The following PDIA4 variants were observed in gnomAD, a reference collection of about 807,000 sequenced individuals.
PDIA4 encodes the protein protein disulfide-isomerase A4.
A neutral mutation model predicts 62.1 loss-of-function variants in PDIA4; 33 were observed. That is an observed-to-expected ratio of 0.53 (90% CI 0.40 to 0.71). The LOEUF (loss-of-function observed/expected upper bound fraction) is 0.71, where lower values mean the gene tolerates loss of function less well. PDIA4 is among the 30% of genes least tolerant of loss of function. The pLI is 0.00. For synonymous variants in PDIA4, 341 were observed against 324.1 expected (o/e 1.05, Z -0.56); for missense variants, 804 against 813.6 (o/e 0.99, Z 0.14).
At chr7:149,025,474 A>ATAAAT (rs1824518198) in intron 1 of PDIA4, among the ~76,000 whole-genome samples, 1 of 152,232 alleles carries the variant, frequency 6.6e-6, no homozygotes, top group Non-Finnish European at 1.5e-5. Flanking sequence ...CAGCTACGGT[A>ATAAAT]ACCATGATAG....
chr7:149,026,540 A>G (rs1165693933), intron 1 of PDIA4, among the ~76,000 whole-genome samples: 1 of 152,064 alleles, frequency 6.6e-6, no homozygotes, highest in Non-Finnish European at 1.5e-5. Context: ...GGTCCCAGCT[A>G]CTAGGGAGGT....
intron 4 of PDIA4, among the ~76,000 whole-genome samples, chr7:149,013,048 G>C (rs1018675368): frequency 2.0e-5 from 3 of 152,122 alleles, no homozygotes; most frequent in African/African-American, 7.2e-5. Context: ...AGGAGTTTGA[G>C]ACCAGCCTGG....
At chr7:149,026,146 G>A (rs1346248452) in intron 1 of PDIA4, among the ~76,000 whole-genome samples, 2 of 152,128 alleles carry the variant, frequency 1.3e-5, no homozygotes, top group African/African-American at 4.8e-5. Context: ...GTGCAGACTT[G>A]AAATAAATCT....
chr7:149,012,131 T>C (rs1325027835), intron 5 of PDIA4, 24 bp downstream of exon 5: 6 of 1,610,900 alleles, frequency 3.7e-6, no homozygotes, highest in Non-Finnish European at 5.1e-6. Context: ...CCCACTGTAG[T>C]GGGAGAGAAG....
At position 149,019,125 on chromosome 7, in the gene PDIA4, G is replaced by A; in HGVS notation, c.342C>T (p.Pro114=). 6.2e-7 allele frequency: 1 copy of A among 1,613,830 alleles called. No homozygotes were observed. The highest frequency in any genetic ancestry group is 1.1e-5 in the South Asian group (1 of 91,068). The change falls in exon 3 of 10, where the codon CCC becomes CCT. Residue 114 remains proline (P), a synonymous_variant. Coordinates refer to ENST00000652332, the MANE Select transcript of PDIA4 (RefSeq NM_004911.5). The stretch of plus-strand genomic sequence containing the variant: ...TTGCATCGATCTTGGCAACAGGAAT[G>A]GGAGGATCTTTATCCTTTAATATGT... ...IANILKDKDP[P]IPVAKIDATS... is the part of the protein sequence containing the mutation.
rs1409741283 is a variant in PDIA4 at position 149,005,340 on chromosome 7, C to T, written c.1323G>A (p.Val441=). The T allele has an allele frequency of 4.3e-6, 7 of 1,613,994 alleles. No individual in the cohort carries two copies. The highest frequency in any genetic ancestry group is 5.9e-6 in the Non-Finnish European group (7 of 1,180,002). The change falls in exon 9 of 10, where the codon GTG becomes GTA. Residue 441 remains valine (V), a synonymous_variant. Coordinates refer to ENST00000652332, the MANE Select transcript of PDIA4 (RefSeq NM_004911.5). ...TQFWRSKVLE[V]AKDFPEYTFA... ...AGGTGTACTCAGGGAAGTCCTTGGC[C>T]ACCTCTAGGACTTTGCTCCGCCAAA... is the stretch of plus-strand genomic sequence containing the variant.
intron 6 of PDIA4, 129 bp from the exon 7 acceptor site, chr7:149,008,439 G>A (rs551040599): frequency 1.1e-5 from 10 of 887,502 alleles, no homozygotes; most frequent in African/African-American, 8.4e-5. Context: ...GGTGGCTCAC[G>A]CCTGTAATCC....
At chr7:149,016,843 C>T (rs931235502) in intron 3 of PDIA4, among the ~76,000 whole-genome samples, 2 of 152,106 alleles carry the variant, frequency 1.3e-5, no homozygotes, top group African/African-American at 4.8e-5. Flanking sequence ...AGCTGGATCA[C>T]CCAGGTTCAG....
chr7:149,008,077 T>G, intron 7 of PDIA4, 82 bp downstream of exon 7: 1 of 1,352,222 alleles, frequency 7.4e-7, no homozygotes, highest in Non-Finnish European at 1.0e-6. Context: ...ACCTCCACGT[T>G]TGAAACCTCA....
chr7:149,020,922 A>T, intron 2 of PDIA4, 45 bp downstream of exon 2: 1 of 1,598,994 alleles, frequency 6.3e-7, no homozygotes. Flanking sequence ...GAGCGAATGG[A>T]GCACAGCGCT....
At chr7:149,023,917 T>A (rs1204732621) in intron 1 of PDIA4, among the ~76,000 whole-genome samples, 1 of 152,142 alleles carries the variant, frequency 6.6e-6, no homozygotes, top group African/African-American at 2.4e-5. Context: ...GGACACAGCA[T>A]TCCTAAGAGG....
chr7:149,022,247 T>C (rs1046341152), intron 1 of PDIA4, among the ~76,000 whole-genome samples: 18 of 152,120 alleles, frequency 1.2e-4, no homozygotes, highest in African/African-American at 4.1e-4. Context: ...ATTTTACTTA[T>C]AAAGGCACCC....
At chr7:149,009,348 T>C (rs1823867027) in intron 6 of PDIA4, among the ~76,000 whole-genome samples, 1 of 152,118 alleles carries the variant, frequency 6.6e-6, no homozygotes, top group Admixed American at 6.6e-5. Flanking sequence ...AAACAGCTAA[T>C]TTGCCAGAAG....
At chr7:149,025,275 C>T (rs549066178) in intron 1 of PDIA4, among the ~76,000 whole-genome samples, 8 of 152,088 alleles carry the variant, frequency 5.3e-5, no homozygotes, top group Non-Finnish European at 8.8e-5. Context: ...TCCACTCCCA[C>T]GGGGCACACC....
chr7:149,012,461 G>A, intron 4 of PDIA4, 101 bp from the exon 5 acceptor site: 4 of 985,802 alleles, frequency 4.1e-6, no homozygotes, highest in Admixed American at 2.1e-5. Context: ...CTAGTAACCT[G>A]GCCACACCCA....
intron 6 of PDIA4, 26 bp downstream of exon 6, chr7:149,011,820 G>T: frequency 6.6e-7 from 1 of 1,516,066 alleles, no homozygotes; most frequent in Admixed American, 2.2e-5. Flanking sequence ...CGCACATTTT[G>T]TTCAGCCCAG....
In PDIA4 at chr7:149,011,897, C is replaced by G; in HGVS notation, c.928G>C (p.Gly310Arg). Residue 310 changes from glycine (G) to arginine (R), a missense_variant, in exon 6 of 10, where the codon GGG (glycine) becomes CGG (arginine). Transcript: ENST00000652332. ...LKDGDDVIII[G>R]VFKGESDPAY... The stretch of plus-strand genomic sequence containing the variant: ...GGGTCACTCTCCCCCTTAAAGACCC[C>G]GATGATGATGACATCGTCTCCATCC... 6.2e-7 allele frequency: 1 copy of G among 1,605,500 alleles called. No homozygotes were observed. The highest frequency in any genetic ancestry group is 8.5e-7 in the Non-Finnish European group (1 of 1,175,544).
chr7:149,021,616 T>C (rs1285086698), intron 1 of PDIA4, among the ~76,000 whole-genome samples: 1 of 152,008 alleles, frequency 6.6e-6, no homozygotes, highest in Non-Finnish European at 1.5e-5. Context: ...ATGCCAGCTG[T>C]TCTAAGTTTG....
At position 149,004,255 on chromosome 7, in the gene PDIA4, C is replaced by G. The variant is rs114474873; in HGVS notation, c.1523-46G>C. 7.4e-4 allele frequency: 1,153 copies of G among 1,559,704 alleles called. 13 individuals are homozygous for G. The African/African-American group carries it at 0.013, about 18-fold the overall frequency. On this transcript the variant is annotated intron_variant, in intron 9 of 9. Transcript: ENST00000652332. ...GGAGGGGGCGTCAGTGCTGCAAAGGCCAAAGATTCTGGGGGCTCTCTCTGG... is the reference window on the plus strand; with the variant it reads ...GGAGGGGGCGTCAGTGCTGCAAAGGGCAAAGATTCTGGGGGCTCTCTCTGG...
Sources: allele counts gnomAD v4.1 joint callset (sites outside exome capture counted in the v4.1 genomes callset), GRCh38; gene constraint gnomAD v4.1.1; transcripts MANE v1.5; gene names NCBI Gene and HGNC (gene_info 2026-07-23, HGNC 2026-07-21).